CCDC73: variants seen among roughly 807,000 people sequenced by gnomAD.
The protein encoded by CCDC73 is coiled-coil domain-containing protein 73.
In CCDC73, 95 loss-of-function variants were observed where a neutral mutation model predicts 116.5. The ratio of observed to expected loss-of-function variants is 0.82; its 90% confidence interval spans 0.69 to 0.97. The LOEUF is 0.97. Among genes scored for constraint, CCDC73 ranks in the 50% least tolerant of loss-of-function variants. CCDC73 has a pLI of 0.00. For missense variants in CCDC73, 1,066 were observed against 1,206.8 expected, an observed-to-expected ratio of 0.88 and a Z score of 1.73; for synonymous variants, 398 against 401.3, an observed-to-expected ratio of 0.99 and a Z score of 0.10.
rs771014210 is a variant in CCDC73 at position 32,615,995 on chromosome 11, G to A, written c.1320C>T (p.Tyr440=). 1 of 1,592,370 alleles carries A rather than the reference G, an allele frequency of 6.3e-7. No homozygotes were observed. Among genetic ancestry groups the A allele is most frequent in the South Asian group, 1.1e-5 (1 of 88,184 alleles). ...NMENFCSDTE[Y]REKEEKKEGS... is the part of the protein sequence containing the mutation. ...CTTCTTTTTTTTCTTCTTTTTCTCT[G>A]TATTCAGTATCTGAACAAAAATTCT... is the stretch of plus-strand genomic sequence containing the variant. Residue 440 remains tyrosine (Y), a synonymous_variant, in exon 15 of 18, where the codon TAC becomes TAT. Transcript: ENST00000335185.
intron 1 of CCDC73, among the ~76,000 whole-genome samples, chr11:32,784,717 T>A (rs146480831): frequency 5.2e-4 from 79 of 152,318 alleles, no homozygotes; most frequent in Middle Eastern, 3.4e-3. Context: ...TGAACAAACT[T>A]TATTTTAAGA....
chr11:32,648,639 C>A (rs1855800194), intron 12 of CCDC73, among the ~76,000 whole-genome samples: 1 of 151,950 alleles, frequency 6.6e-6, no homozygotes, highest in South Asian at 2.1e-4. Flanking sequence ...GCAACCTCTG[C>A]CTCCCAGGTT....
chr11:32,826,389 T>G, the CCDC73 span, among the ~76,000 whole-genome samples: 1 of 152,212 alleles, frequency 6.6e-6, no homozygotes, highest in Non-Finnish European at 1.5e-5. Context: ...GAGGTGACTT[T>G]ACTTACAGAG....
chr11:32,662,503 G>A (rs1001037912), intron 9 of CCDC73, among the ~76,000 whole-genome samples: 7 of 151,680 alleles, frequency 4.6e-5, no homozygotes, highest in East Asian at 1.9e-4. Flanking sequence ...GTGTCTGCTC[G>A]TCTCCTTTGC....
chr11:32,783,629 A>ATTTTAT (rs1174015194), intron 1 of CCDC73, among the ~76,000 whole-genome samples: 4 of 151,776 alleles, frequency 2.6e-5, no homozygotes, highest in Non-Finnish European at 5.9e-5. Context: ...AGGCATTTTT[A>ATTTTAT]TTTTATTTTT....
intron 6 of CCDC73, among the ~76,000 whole-genome samples, chr11:32,697,331 A>T (rs975809911): frequency 1.3e-5 from 2 of 152,012 alleles, no homozygotes; most frequent in Non-Finnish European, 2.9e-5. Flanking sequence ...TATTATACCT[A>T]GTATAATAAT....
At chr11:32,662,977 T>C (rs574208686) in intron 9 of CCDC73, among the ~76,000 whole-genome samples, 2 of 152,330 alleles carry the variant, frequency 1.3e-5, no homozygotes, top group Non-Finnish European at 2.9e-5. Flanking sequence ...TTGTCAGGTT[T>C]GTCAAAGATC....
rs1241089628 is a variant in CCDC73, at chr11:32,758,597, CAG to C, written c.135+1510_135+1511del. 12 of 406,610 alleles carry C rather than the reference CAG, an allele frequency of 3.0e-5. No individual in the cohort carries two copies. In the East Asian group the frequency reaches 7.4e-4, roughly 25 times the overall value. 25.2% of individuals were successfully genotyped at this position (406,610 alleles called of 1,614,324 possible). Reference sequence around the variant, plus strand: ...TGTGAAAGTGTTGAAGGCACAAGCACAGAGTTTGAAAGCTAAATTTTAAAATG... The same window carrying C: ...TGTGAAAGTGTTGAAGGCACAAGCACAGTTTGAAAGCTAAATTTTAAAATG... On this transcript the variant is annotated intron_variant, in intron 2 of 17. Coordinates refer to ENST00000335185, the MANE Select transcript of CCDC73 (RefSeq NM_001008391.4).
rs150548948 is a variant in CCDC73 at position 32,715,020 on chromosome 11, C to T, written c.207+3056G>A. Reference sequence around the variant, plus strand: ...TCCACAAAGTCTGAAATATTTACTACGTGGCTCTTTACAAAAAAAGCTTGC... The same window carrying T: ...TCCACAAAGTCTGAAATATTTACTATGTGGCTCTTTACAAAAAAAGCTTGC... On this transcript the variant is annotated intron_variant, in intron 3 of 17. Transcript: ENST00000335185. Among the ~76,000 whole-genome samples, 1,031 of 152,184 alleles carry T rather than the reference C, an allele frequency of 6.8e-3. 14 individuals are homozygous for T. The highest frequency in any genetic ancestry group is 0.024 in the African/African-American group (989 of 41,530).
upstream of CCDC73, among the ~76,000 whole-genome samples, chr11:32,798,440 T>C (rs902986634): frequency 1.4e-4 from 22 of 152,202 alleles, no homozygotes; most frequent in Admixed American, 9.2e-4. Flanking sequence ...TCTGAGTAGC[T>C]GGGACCACAG....
chr11:32,622,448 G>A (rs193256681), intron 14 of CCDC73, among the ~76,000 whole-genome samples: 6 of 152,156 alleles, frequency 3.9e-5, no homozygotes, highest in Admixed American at 1.3e-4. Flanking sequence ...TCATAAGTGC[G>A]AGTTGAACAA....
At chr11:32,690,349 A>G (rs916260332) in intron 6 of CCDC73, among the ~76,000 whole-genome samples, 3 of 152,208 alleles carry the variant, frequency 2.0e-5, no homozygotes, top group African/African-American at 7.2e-5. Context: ...AGCAAAATCC[A>G]GAGGAAGGTA....
intron 14 of CCDC73, among the ~76,000 whole-genome samples, chr11:32,635,211 C>T (rs926564306): frequency 6.6e-6 from 1 of 152,010 alleles, no homozygotes; most frequent in East Asian, 1.9e-4. Context: ...GAAATTGAGA[C>T]ATTGATTCTA....
intron 2 of CCDC73, among the ~76,000 whole-genome samples, chr11:32,732,502 T>C (rs1000536137): frequency 6.6e-6 from 1 of 152,122 alleles, no homozygotes; most frequent in Admixed American, 6.5e-5. Context: ...GAAAAAATGT[T>C]AAGGGCAGCC....
intron 17 of CCDC73, among the ~76,000 whole-genome samples, chr11:32,606,448 G>A (rs1855352016): frequency 6.6e-6 from 1 of 152,174 alleles, no homozygotes; most frequent in African/African-American, 2.4e-5. Flanking sequence ...AATTTATAAG[G>A]AGATCTACTT....
chr11:32,617,652 G>A (rs1855486520), intron 14 of CCDC73, among the ~76,000 whole-genome samples: 1 of 152,214 alleles, frequency 6.6e-6, no homozygotes. Context: ...TCAATGATTG[G>A]ATGTGAAGGC....
intron 14 of CCDC73, among the ~76,000 whole-genome samples, chr11:32,627,518 C>T (rs909984858): frequency 3.9e-5 from 6 of 152,184 alleles, no homozygotes; most frequent in Admixed American, 6.5e-5. Context: ...GACACATGCA[C>T]ACGTATGTTT....
At chr11:32,804,106 A>T in the CCDC73 span, among the ~76,000 whole-genome samples, 1 of 151,444 alleles carries the variant, frequency 6.6e-6, no homozygotes, top group East Asian at 2.0e-4. Context: ...CACCACACCC[A>T]ACCTAAACCT....
chr11:32,651,235 G>T (rs2133259424), intron 12 of CCDC73, among the ~76,000 whole-genome samples: 1 of 152,274 alleles, frequency 6.6e-6, no homozygotes, highest in African/African-American at 2.4e-5. Context: ...CTGCCAGGAG[G>T]TATGCACTCA....
Sources: gnomAD v4.1 joint callset for allele counts (sites outside exome capture counted in the v4.1 genomes callset) on GRCh38, gnomAD v4.1.1 for gene constraint, MANE v1.5 for transcripts, NCBI Gene and HGNC (gene_info 2026-07-23, HGNC 2026-07-21) for gene names.